Variants in ANO7 observed in about 807,000 individuals in gnomAD.
The protein encoded by ANO7 is anoctamin 7.
In ANO7, 114 loss-of-function variants were observed where a neutral mutation model predicts 115.8. That is an observed-to-expected ratio of 0.98 (90% confidence interval 0.85 to 1.15). ANO7 has a LOEUF of 1.15. Among genes scored for constraint, ANO7 ranks in the 50% most tolerant of loss-of-function variants. ANO7 has a pLI of 0.00. For missense variants in ANO7, 1,302 were observed against 1,201.2 expected (o/e 1.08, Z -1.24); for synonymous variants, 550 against 498.2 (o/e 1.10, Z -1.38).
rs1192458108 is a variant in ANO7 at position 241,225,652 on chromosome 2, C to T, written c.*1499C>T. ...GCGTTCTATTTCACCCACCGTGATG[C>T]CTGGCCTGAGGGCGGCGTGCTTGCT... On this transcript the variant is annotated 3_prime_UTR_variant, in exon 25 of 25. Coordinates refer to ENST00000674324, the MANE Select transcript of ANO7 (RefSeq NM_001370694.2). 6.7e-6 allele frequency among the ~76,000 whole-genome samples: 1 copy of T among 149,624 alleles called. No homozygotes were observed. The highest frequency in any genetic ancestry group is 2.5e-5 in the African/African-American group (1 of 39,812).
downstream of ANO7, chr2:241,228,046 A>G (rs1380165910): frequency 1.3e-5 from 2 of 152,274 alleles, no homozygotes; most frequent in Non-Finnish European, 2.9e-5. Context: ...ACTTGGGCTA[A>G]GCCGTCTGGG....
At chr2:241,239,934 T>G in the ANO7 span, 7 of 1,614,222 alleles carry the variant, frequency 4.3e-6, no homozygotes, top group East Asian at 6.7e-5. The surrounding 1 kb of genome is among the most constrained non-coding windows in gnomAD (Gnocchi z 4.6). Flanking sequence ...GCTCCTTCTG[T>G]GCCTCTCGGA....
Position 241,202,413 on chromosome 2 carries a change from G to A in ANO7, c.723+109G>A, listed in dbSNP as rs950545949. 7 of 930,976 alleles carry A rather than the reference G, an allele frequency of 7.5e-6. No homozygotes were observed. In the African/African-American group the frequency reaches 8.1e-5, roughly 11 times the overall value. The allele number at this position is 930,976 out of a possible 1,614,324, so 57.7% of individuals were successfully genotyped here. ...GGGGCAGGCATGGTCAGCCGGCGTG[G>A]CCACCCAGGAGTCAGAACACTAAAT... On this transcript the variant is annotated intron_variant, in intron 8 of 24. Coordinates refer to ENST00000674324, the MANE Select transcript of ANO7 (RefSeq NM_001370694.2).
chr2:241,199,395 A>G lies in ANO7; in HGVS notation c.389A>G (p.Glu130Gly), dbSNP rs777847341. Residue 130 changes from glutamate (E) to glycine (G), a missense_variant, in exon 5 of 25, where the codon GAA becomes GGA. By Grantham distance (98) the Glu-to-Gly change is moderately conservative. Transcript: ENST00000674324. Reference protein sequence around the residue: ...ASWAVLCYYAEDLRLKLPLQE... With the variant: ...ASWAVLCYYAGDLRLKLPLQE... ...TGGGCTGTGCTCTGCTACTACGCCGAAGACCTGCGCCTGAAGCTGCCCTTG... is the reference window on the plus strand; with the variant it reads ...TGGGCTGTGCTCTGCTACTACGCCGGAGACCTGCGCCTGAAGCTGCCCTTG... 37 of 1,613,724 alleles carry G rather than the reference A, an allele frequency of 2.3e-5. No homozygotes were observed. The highest frequency in any genetic ancestry group is 3.1e-5 in the Non-Finnish European group (36 of 1,180,016).
chr2:241,213,471 T>A (rs2166191), intron 17 of ANO7, among the ~76,000 whole-genome samples: 69,287 of 151,980 alleles, frequency 0.46, 17,974 homozygotes, highest in East Asian at 0.79. Flanking sequence ...GTCACGGGGG[T>A]CCCTGCAAAG....
the ANO7 span, chr2:241,231,381 C>CT: frequency 3.8e-5 from 5 of 131,166 alleles, no homozygotes; most frequent in Non-Finnish European, 7.8e-5. Flanking sequence ...AAAACTCCAT[C>CT]TCAAAAAAAA....
At chr2:241,217,499 A>G in intron 19 of ANO7, 187 bp from the exon 20 acceptor site, 1 of 646,314 alleles carries the variant, frequency 1.5e-6, no homozygotes, top group Non-Finnish European at 2.6e-6. Flanking sequence ...AGCCGGCCTG[A>G]GGCCGGTCAG....
chr2:241,194,895 G>A (rs980807945), intron 3 of ANO7, among the ~76,000 whole-genome samples: 5 of 152,206 alleles, frequency 3.3e-5, no homozygotes, highest in South Asian at 2.1e-4. Context: ...AGGGGACTCC[G>A]TTGTCCTTAC....
intron 4 of ANO7, among the ~76,000 whole-genome samples, chr2:241,198,893 C>A (rs2068403038): frequency 6.6e-6 from 1 of 152,222 alleles, no homozygotes; most frequent in Non-Finnish European, 1.5e-5. Context: ...CATGTCCGTG[C>A]ACAGCATGCA....
chr2:241,233,795 G>C, the ANO7 span: 2 of 1,613,636 alleles, frequency 1.2e-6, no homozygotes, highest in South Asian at 1.1e-5. The surrounding 1 kb of genome is among the most constrained non-coding windows in gnomAD (Gnocchi z 4.3). Flanking sequence ...CTCTGCCCCC[G>C]ACACGCTCCA....
At chr2:241,232,120 C>G in the ANO7 span, among the ~76,000 whole-genome samples, 2 of 152,206 alleles carry the variant, frequency 1.3e-5, no homozygotes, top group South Asian at 2.1e-4. Context: ...CCCAGCAGAG[C>G]TGACAGCCTC....
intron 11 of ANO7, 62 bp downstream of exon 11, chr2:241,207,732 C>T: frequency 6.7e-7 from 1 of 1,498,054 alleles, no homozygotes; most frequent in Non-Finnish European, 9.2e-7. Context: ...GGCAGCTCCC[C>T]TTGTCCTGGT....
Position 241,212,253 on chromosome 2 carries a change from C to G in ANO7, c.1673+48C>G, listed in dbSNP as rs2068734170. 2.0e-6 allele frequency: 3 copies of G among 1,522,502 alleles called. No homozygotes were observed. In the South Asian group the frequency reaches 3.4e-5, roughly 17 times the overall value. 94.3% of individuals were successfully genotyped at this position (1,522,502 alleles called of 1,614,324 possible). ...GGCCACAGCTTGTCCCGGCTTAGTT[C>G]TGCTCATGTTTCCCGCTGCCTGGGT... On this transcript the variant is annotated intron_variant, in intron 16 of 24. Coordinates refer to ENST00000674324, the MANE Select transcript of ANO7 (RefSeq NM_001370694.2).
chr2:241,196,286 C>T (rs2068325911), intron 4 of ANO7: 4 of 635,832 alleles, frequency 6.3e-6, no homozygotes, highest in South Asian at 5.6e-5. Context: ...GCAACAGGTC[C>T]GGGGAGCGTG....
rs1304314227 is a variant in ANO7 at position 241,208,919 on chromosome 2, G to A, written c.1078-366G>A. On this transcript the variant is annotated intron_variant, in intron 11 of 24. Transcript: ENST00000674324. ...AATCCCAGCACTTTGGGAGGCCAAG[G>A]CGGGTGGATCACAAGGTCAGAAGAT... 5.9e-5 allele frequency among the ~76,000 whole-genome samples: 9 copies of A among 152,212 alleles called. No individual in the cohort carries two copies. The South Asian group carries it at 1.0e-3, about 18-fold the overall frequency.
chr2:241,221,320 C>A (rs2069006922), intron 21 of ANO7, among the ~76,000 whole-genome samples: 1 of 151,966 alleles, frequency 6.6e-6, no homozygotes, highest in African/African-American at 2.4e-5. Context: ...AGGTGATCCG[C>A]CTGCCTCGGC....
In ANO7 at chr2:241,218,397, G is replaced by A. The variant is rs1238941932; in HGVS notation, c.2321+16G>A. The A allele has an allele frequency of 2.3e-6, 3 of 1,331,336 alleles. No homozygotes were observed. In the Admixed American group the frequency reaches 9.5e-5, roughly 42 times the overall value. 82.5% of individuals were successfully genotyped at this position (1,331,336 alleles called of 1,614,324 possible). On this transcript the variant is annotated intron_variant, in intron 21 of 24. Transcript: ENST00000674324. ...GCACGTGCAGGTGAGCCCCGCGCCAGGTGGAGGGGGCCGCGGGCGCACGAG... is the reference window on the plus strand; with the variant it reads ...GCACGTGCAGGTGAGCCCCGCGCCAAGTGGAGGGGGCCGCGGGCGCACGAG...
At chr2:241,229,188 GGT>G (rs2069422612), downstream of ANO7, 1 of 202,914 alleles carries the variant, frequency 4.9e-6, no homozygotes, top group Non-Finnish European at 1.0e-5. Context: ...GCAGGAGGGA[GGT>G]GGGAAAGGAA....
Position 241,224,099 on chromosome 2 carries a change from C to T in ANO7, c.2586C>T (p.Leu862=). 6.2e-7 allele frequency: 1 copy of T among 1,614,120 alleles called. No homozygotes were observed. Among genetic ancestry groups the T allele is most frequent in the Non-Finnish European group, 8.5e-7 (1 of 1,180,030 alleles). ...TKDEQPEGSE[L]SSHWTPFTVP... ...CCTGCCCCCAACCCTCTCCCCAGCT[C>T]AGCTCCCACTGGACACCCTTCACGG... The change falls in exon 25 of 25, where the codon CTC becomes CTT. Residue 862 remains leucine (L), a splice_region_variant and synonymous_variant. Coordinates refer to ENST00000674324, the MANE Select transcript of ANO7 (RefSeq NM_001370694.2).
Sources: gnomAD v4.1 joint callset for allele counts (sites outside exome capture counted in the v4.1 genomes callset) on GRCh38, gnomAD v4.1.1 for gene constraint, Gnocchi (gnomAD v3.1) non-coding constraint, MANE v1.5 for transcripts, NCBI Gene and HGNC (gene_info 2026-07-23, HGNC 2026-07-21) for gene names.